The following AFG1L variants were observed in gnomAD, a reference collection of about 807,000 sequenced individuals.
AFG1L encodes the protein AFG1 like ATPase.
A neutral mutation model predicts 62.2 loss-of-function variants in AFG1L; 53 were observed. The observed-to-expected ratio is 0.85, with a 90% CI of 0.68 to 1.07. The LOEUF (loss-of-function observed/expected upper bound fraction) is 1.07. Ranked by LOEUF, AFG1L falls within the 50% of genes least tolerant of loss-of-function variation. The probability of loss-of-function intolerance (pLI) is 0.00; values close to 1 mark genes in which losing one functional copy is unlikely to be tolerated. For missense variants in AFG1L, 555 were observed against 590.5 expected (o/e 0.94, Z 0.62); for synonymous variants, 228 against 210.3 (o/e 1.08, Z -0.73).
At chr6:108,432,295 C>T (rs1250249177) in intron 7 of AFG1L, among the ~76,000 whole-genome samples, 1 of 152,020 alleles carries the variant, frequency 6.6e-6, no homozygotes, top group Non-Finnish European at 1.5e-5. Flanking sequence ...ACTTCTTCTA[C>T]CCCTTCTGTA....
At chr6:108,513,881 A>T (rs932922643) in intron 11 of AFG1L, among the ~76,000 whole-genome samples, 1 of 152,198 alleles carries the variant, frequency 6.6e-6, no homozygotes, top group African/African-American at 2.4e-5. Context: ...GCAGACTGAC[A>T]CCTCACATGG....
At position 108,421,192 on chromosome 6, in the gene AFG1L, A is replaced by G. The variant is rs181494659; in HGVS notation, c.807+19138A>G. 4.6e-5 allele frequency among the ~76,000 whole-genome samples: 7 copies of G among 152,286 alleles called. No homozygotes were observed. The East Asian group carries it at 9.6e-4, about 21-fold the overall frequency. On this transcript the variant is annotated intron_variant, in intron 7 of 12. Transcript: ENST00000368977. The stretch of plus-strand genomic sequence containing the variant: ...AAGAGAGGGTGTTACTATGATTCCA[A>G]CCATGAAGAGATGTGAGGAATTTGC...
chr6:108,337,394 A>G (rs1262666240), intron 2 of AFG1L, among the ~76,000 whole-genome samples: 2 of 152,146 alleles, frequency 1.3e-5, no homozygotes, highest in Admixed American at 6.5e-5. Context: ...CATGCAGTAT[A>G]TATTATGTTA....
At chr6:108,482,808 A>C (rs1385019950) in intron 10 of AFG1L, among the ~76,000 whole-genome samples, 1 of 151,680 alleles carries the variant, frequency 6.6e-6, no homozygotes, top group Admixed American at 6.6e-5. Flanking sequence ...CTTTCATCAC[A>C]TCATGTCAAG....
chr6:108,361,600 G>A (rs1779531720), intron 5 of AFG1L, among the ~76,000 whole-genome samples: 1 of 152,230 alleles, frequency 6.6e-6, no homozygotes. Flanking sequence ...GCCCCATCTT[G>A]TAAGCAAGAG....
chr6:108,485,600 G>A (rs1477394392), intron 10 of AFG1L, among the ~76,000 whole-genome samples: 5 of 112,628 alleles, frequency 4.4e-5, no homozygotes, highest in Non-Finnish European at 6.8e-5. Context: ...ATTAAGAAGT[G>A]CAAAGATTAA....
chr6:108,402,420 C>CTCTACACTCTA (rs1562136602), intron 7 of AFG1L, among the ~76,000 whole-genome samples: 2 of 145,914 alleles, frequency 1.4e-5, no homozygotes, highest in East Asian at 4.0e-4. Flanking sequence ...GCCGAGATCA[C>CTCTACACTCTA]GCCACTACAC....
intron 8 of AFG1L, among the ~76,000 whole-genome samples, chr6:108,450,209 T>G (rs370468263): frequency 3.9e-5 from 6 of 152,304 alleles, no homozygotes; most frequent in South Asian, 2.1e-4. Context: ...CTAGTTTACA[T>G]TCCCACCAAC....
chr6:108,497,843 T>A (rs1774031544), intron 10 of AFG1L, among the ~76,000 whole-genome samples: 1 of 152,174 alleles, frequency 6.6e-6, no homozygotes. Flanking sequence ...CTGTAGCAAG[T>A]ATAGTGTTTT....
chr6:108,490,389 G>A (rs1773730631), intron 10 of AFG1L, among the ~76,000 whole-genome samples: 1 of 152,018 alleles, frequency 6.6e-6, no homozygotes, highest in African/African-American at 2.4e-5. Flanking sequence ...AAAAACAGAA[G>A]TAATTTACTA....
In AFG1L at chr6:108,510,324, C is replaced by T; in HGVS notation, c.1175C>T (p.Thr392Ile). The T allele has an allele frequency of 6.2e-7, 1 of 1,611,096 alleles. No individual in the cohort carries two copies. Among genetic ancestry groups the T allele is most frequent in the Non-Finnish European group, 8.5e-7 (1 of 1,178,878 alleles). ...ANRTQGRRFITLIDNFYDLKV... is the reference protein window; with the variant it reads ...ANRTQGRRFIILIDNFYDLKV... ...AGGACTCAAGGTCGAAGATTCATAACTCTCATCGATAACTTTTATGATCTC... is the reference window on the plus strand; with the variant it reads ...AGGACTCAAGGTCGAAGATTCATAATTCTCATCGATAACTTTTATGATCTC... Residue 392 changes from threonine (T) to isoleucine (I), a missense_variant, in exon 11 of 13, where the codon ACT becomes ATT. By Grantham distance (89) the Thr-to-Ile change is moderately conservative. Transcript: ENST00000368977.
intron 8 of AFG1L, among the ~76,000 whole-genome samples, chr6:108,473,999 G>A (rs995134582): frequency 3.9e-5 from 6 of 152,172 alleles, no homozygotes; most frequent in African/African-American, 1.4e-4. Context: ...AGCCCCACAT[G>A]CATTAGCTAT....
At position 108,402,042 on chromosome 6, in the gene AFG1L, A is replaced by G; in HGVS notation, c.795A>G (p.Ile265Met). ...GLQRANFVPF[I>M]AVLKEYCNTV... ...AAAGAGCTAACTTTGTACCATTCAT[A>G]GCAGTCTTGAAGGTAAAAACAAATC... The change falls in exon 7 of 13, where the codon ATA (isoleucine) becomes ATG (methionine). Residue 265 changes from isoleucine (I) to methionine (M), a missense_variant. Coordinates refer to ENST00000368977, the MANE Select transcript of AFG1L (RefSeq NM_145315.5). The G allele has an allele frequency of 6.6e-7, 1 of 1,509,514 alleles. No individual in the cohort carries two copies. Among genetic ancestry groups the G allele is most frequent in the Non-Finnish European group, 8.9e-7 (1 of 1,120,650 alleles). The allele number at this position is 1,509,514 out of a possible 1,614,324, so 93.5% of individuals were successfully genotyped here.
chr6:108,381,327 A>C (rs1780506918), intron 6 of AFG1L, among the ~76,000 whole-genome samples: 1 of 152,076 alleles, frequency 6.6e-6, no homozygotes, highest in Admixed American at 6.6e-5. Context: ...TAATGTCTAC[A>C]TACAAGTAGA....
intron 8 of AFG1L, among the ~76,000 whole-genome samples, chr6:108,473,282 G>A (rs745846579): frequency 2.6e-4 from 40 of 152,134 alleles, no homozygotes; most frequent in Non-Finnish European, 4.7e-4. Flanking sequence ...TTGAAGTTTA[G>A]TGAGTCACAT....
chr6:108,512,697 C>T (rs1582687688), intron 11 of AFG1L, among the ~76,000 whole-genome samples: 1 of 151,596 alleles, frequency 6.6e-6, no homozygotes, highest in African/African-American at 2.4e-5. Flanking sequence ...CCCTACCTCA[C>T]CCCCACCTTT....
intron 6 of AFG1L, among the ~76,000 whole-genome samples, chr6:108,366,947 T>G (rs1779787824): frequency 6.6e-6 from 1 of 152,102 alleles, no homozygotes; most frequent in Non-Finnish European, 1.5e-5. Context: ...GGAGTGCTGT[T>G]TCTCCAGATA....
chr6:108,490,364 C>T (rs899004512), intron 10 of AFG1L, among the ~76,000 whole-genome samples: 3 of 150,004 alleles, frequency 2.0e-5, no homozygotes, highest in African/African-American at 5.1e-5. Flanking sequence ...GTCTCAAAAG[C>T]AAACAAACAA....
chr6:108,443,553 C>G (rs1771633682), intron 7 of AFG1L, among the ~76,000 whole-genome samples: 1 of 152,168 alleles, frequency 6.6e-6, no homozygotes, highest in Non-Finnish European at 1.5e-5. Flanking sequence ...AAACCCACCA[C>G]AATTACGTTG....
Sources: gnomAD v4.1 joint callset for allele counts (sites outside exome capture counted in the v4.1 genomes callset) on GRCh38, gnomAD v4.1.1 for gene constraint, MANE v1.5 for transcripts, NCBI Gene and HGNC (gene_info 2026-07-23, HGNC 2026-07-21) for gene names.